Variants in PCDH15 observed in about 807,000 individuals in gnomAD.
The protein encoded by PCDH15 is protocadherin related 15.
A neutral mutation model predicts 178.5 loss-of-function variants in PCDH15; 129 were observed. The ratio of observed to expected loss-of-function variants is 0.72; its 90% CI spans 0.63 to 0.84. The LOEUF is 0.84. PCDH15 is among the 40% of genes least tolerant of loss of function. The probability of loss-of-function intolerance (pLI) is 0.00; values close to 1 mark genes in which losing one functional copy is unlikely to be tolerated. For synonymous variants in PCDH15, 800 were observed against 732.0 expected, an observed-to-expected ratio of 1.09 and a Z score of -1.50; for missense variants, 2,230 against 2,099.9, an observed-to-expected ratio of 1.06 and a Z score of -1.21.
chr10:53,998,188 T>C (rs1448494348), intron 20 of PCDH15, among the ~76,000 whole-genome samples: 2 of 152,204 alleles, frequency 1.3e-5, no homozygotes, highest in Non-Finnish European at 2.9e-5. Flanking sequence ...TATTTCCTCC[T>C]CTGTAGTTAA....
At chr10:55,265,309 ATGAT>A (rs1842257650) in intron 1 of PCDH15, among the ~76,000 whole-genome samples, 1 of 124,166 alleles carries the variant, frequency 8.1e-6, no homozygotes, top group Admixed American at 8.3e-5. Context: ...ATGTATCTCT[ATGAT>A]ATATATATAT....
At chr10:55,354,608 T>C (rs546487488) in intron 2 of PCDH15, among the ~76,000 whole-genome samples, 34 of 152,196 alleles carry the variant, frequency 2.2e-4, no homozygotes, top group African/African-American at 8.2e-4. Flanking sequence ...AAAATATAAA[T>C]TCCTGAGTCT....
chr10:53,927,522 T>C (rs1423572211), intron 25 of PCDH15, among the ~76,000 whole-genome samples: 1 of 152,134 alleles, frequency 6.6e-6, no homozygotes, highest in African/African-American at 2.4e-5. Context: ...CATGAAAATA[T>C]ATGGTTAATT....
chr10:55,020,510 G>A (rs1840298846), intron 2 of PCDH15, among the ~76,000 whole-genome samples: 1 of 152,020 alleles, frequency 6.6e-6, no homozygotes, highest in Non-Finnish European at 1.5e-5. Context: ...AAAACAAAGG[G>A]AAAAACAGAT....
chr10:55,023,876 T>TAC, intron 2 of PCDH15, among the ~76,000 whole-genome samples: 1 of 95,890 alleles, frequency 1.0e-5, no homozygotes, highest in South Asian at 3.5e-4. Flanking sequence ...CCTATATATA[T>TAC]ACATGTATAT....
intron 29 of PCDH15, among the ~76,000 whole-genome samples, chr10:53,834,788 C>T (rs1416428297): frequency 6.6e-6 from 1 of 152,132 alleles, no homozygotes; most frequent in Non-Finnish European, 1.5e-5. Flanking sequence ...TTAATAAATA[C>T]ATAATCAACA....
chr10:54,234,612 A>C (rs991343925), intron 9 of PCDH15, among the ~76,000 whole-genome samples: 5 of 152,176 alleles, frequency 3.3e-5, no homozygotes, highest in African/African-American at 1.2e-4. Context: ...ACTTAAATAA[A>C]ATTATGTCTA....
chr10:55,102,404 T>C (rs1842595158), intron 2 of PCDH15, among the ~76,000 whole-genome samples: 2 of 152,164 alleles, frequency 1.3e-5, no homozygotes, highest in South Asian at 4.1e-4. Flanking sequence ...TTATGGATAG[T>C]ACTGAGCCCT....
intron 2 of PCDH15, among the ~76,000 whole-genome samples, chr10:54,628,674 C>T (rs1416488188): frequency 3.9e-5 from 6 of 152,004 alleles, no homozygotes; most frequent in African/African-American, 1.4e-4. Context: ...CCAAATTGCC[C>T]TTGATGCCTC....
intron 2 of PCDH15, chr10:55,469,321 G>A (rs1839907932): frequency 6.6e-6 from 1 of 151,978 alleles, no homozygotes; most frequent in Non-Finnish European, 1.5e-5. Context: ...GCGTTAACTT[G>A]CAACAATCTG....
At chr10:54,606,485 T>C (rs749629857) in intron 2 of PCDH15, 5 of 152,110 alleles carry the variant, frequency 3.3e-5, no homozygotes, top group Non-Finnish European at 7.4e-5. Context: ...CTTCACATAC[T>C]GCCCAAAGAT....
chr10:54,600,662 G>C (rs1590395002), intron 2 of PCDH15: 1 of 570,970 alleles, frequency 1.8e-6, no homozygotes, highest in East Asian at 4.5e-5. Flanking sequence ...CCGTAATAAA[G>C]GAAGTCACCC....
chr10:55,020,269 T>A (rs1840289778), intron 2 of PCDH15, among the ~76,000 whole-genome samples: 1 of 151,690 alleles, frequency 6.6e-6, no homozygotes. Context: ...AGAGAATAAA[T>A]AATCCCTTTC....
rs1205143676 is a variant in PCDH15, at chr10:53,888,685, ATATATATATATATATAT to A, written c.3501+14541_3501+14557del. On this transcript the variant is annotated intron_variant, in intron 26 of 37. Transcript: ENST00000644397. ...GTTTGATATATATATATATATATAT[ATATATATATATATATAT>A]ATCTCCTGTGGAAATTGATAAGCTG... is the stretch of plus-strand genomic sequence containing the variant. 5.2e-3 allele frequency among the ~76,000 whole-genome samples: 231 copies of A among 44,532 alleles called. 16 individuals are homozygous for A. Among genetic ancestry groups the A allele is most frequent in the African/African-American group, 0.015 (195 of 13,292 alleles). 29.2% of individuals were successfully genotyped at this position (44,532 alleles called of 152,430 possible). A position where few individuals can be genotyped will look rare whatever the true frequency, so the allele number is the denominator to read the frequency against.
Position 54,640,505 on chromosome 10 carries a change from G to A in PCDH15, c.91+23667C>T, listed in dbSNP as rs140674132. Among the ~76,000 whole-genome samples, 103 of 151,960 alleles carry A rather than the reference G, an allele frequency of 6.8e-4. 1 individual carries two copies. In the East Asian group the frequency reaches 0.014, roughly 21 times the overall value. The stretch of plus-strand genomic sequence containing the variant: ...TGATTTTTTTCCTTGATGTTTAGAT[G>A]AAATAATATAATACCTACAAAAAGA... On this transcript the variant is annotated intron_variant, in intron 2 of 37. Coordinates refer to ENST00000644397, the MANE Select transcript of PCDH15 (RefSeq NM_001384140.1).
chr10:53,803,506 G>A lies in PCDH15; in HGVS notation c.*3073C>T, dbSNP rs1196668373. On this transcript the variant is annotated 3_prime_UTR_variant, in exon 38 of 38. Transcript: ENST00000644397. The stretch of plus-strand genomic sequence containing the variant: ...CTTTAACATCCCTGTGAACAATGTG[G>A]TAAAATAACATGAATGACATATCAC... 1 of 151,916 alleles carries A rather than the reference G, an allele frequency of 6.6e-6. No individual in the cohort carries two copies. The highest frequency in any genetic ancestry group is 1.5e-5 in the Non-Finnish European group (1 of 67,894). 9.4% of individuals were successfully genotyped at this position (151,916 alleles called of 1,614,324 possible).
chr10:54,934,185 T>C (rs951763738), intron 2 of PCDH15, among the ~76,000 whole-genome samples: 2 of 152,174 alleles, frequency 1.3e-5, no homozygotes, highest in Non-Finnish European at 2.9e-5. Flanking sequence ...TGTCCTATTG[T>C]CTGTTCTTTA....
rs185073456 is a variant in PCDH15, at chr10:55,195,461, T to G, written c.-155-28810A>C. Among the ~76,000 whole-genome samples, 1,140 of 138,642 alleles carry G rather than the reference T, an allele frequency of 8.2e-3. 53 individuals carry two copies. Among genetic ancestry groups the G allele is most frequent in the Non-Finnish European group, 2.3e-3 (152 of 65,770 alleles). 91.0% of individuals were successfully genotyped at this position (138,642 alleles called of 152,430 possible). Reference sequence around the variant, plus strand: ...TTCAAGATCAGCCTGGCCAAGATGGTGAAACCCTATTTCTACTAAAAATAC... The same window carrying G: ...TTCAAGATCAGCCTGGCCAAGATGGGGAAACCCTATTTCTACTAAAAATAC... On this transcript the variant is annotated intron_variant, in intron 1 of 5. Transcript: ENST00000458638.
chr10:55,612,797 A>C (rs1843395458), intron 2 of PCDH15, among the ~76,000 whole-genome samples: 1 of 152,164 alleles, frequency 6.6e-6, no homozygotes, highest in African/African-American at 2.4e-5. Context: ...ATGTCTTAGC[A>C]ACCTAGTGTA....
Sources: allele counts gnomAD v4.1 joint callset (sites outside exome capture counted in the v4.1 genomes callset), GRCh38; gene constraint gnomAD v4.1.1; transcripts MANE v1.5; gene names NCBI Gene and HGNC (gene_info 2026-07-23, HGNC 2026-07-21).